TECPR1: variants seen among roughly 807,000 people sequenced by gnomAD.
The protein encoded by TECPR1 is tectonin beta-propeller repeat-containing protein 1.
Under a neutral mutation model 162.4 loss-of-function variants are expected in TECPR1, and 122 were observed. The ratio of observed to expected loss-of-function variants is 0.75; its 90% CI spans 0.65 to 0.87. The LOEUF is 0.87. TECPR1 is among the 40% of genes least tolerant of loss of function. TECPR1 has a pLI of 0.00. For missense variants in TECPR1, 1,432 were observed against 1,618.2 expected, an observed-to-expected ratio of 0.88 and a Z score of 1.97; for synonymous variants, 642 against 670.6, an observed-to-expected ratio of 0.96 and a Z score of 0.66.
chr7:98,238,689 A>C, intron 8 of TECPR1, 79 bp from the exon 9 acceptor site: 2 of 1,152,550 alleles, frequency 1.7e-6, no homozygotes, highest in Non-Finnish European at 2.5e-6. Flanking sequence ...CTCAGGGAGA[A>C]CAAGTGAATA....
At position 98,232,772 on chromosome 7, in the gene TECPR1, T is replaced by A. The variant is rs1798477475; in HGVS notation, c.1818+55A>T. ...GAGCTGGTACACAGCAGGCGCTCAATGAATGATTGCTGGAAAAAAAAAAAA... is the reference window on the plus strand; with the variant it reads ...GAGCTGGTACACAGCAGGCGCTCAAAGAATGATTGCTGGAAAAAAAAAAAA... On this transcript the variant is annotated intron_variant, in intron 12 of 25. Coordinates refer to ENST00000447648, the MANE Select transcript of TECPR1 (RefSeq NM_015395.3). This position sits in a 1 kb window ranked among gnomAD's most constrained non-coding sequence, Gnocchi z 4.6. The A allele has an allele frequency of 1.3e-6, 2 of 1,489,058 alleles. No individual in the cohort carries two copies. Among genetic ancestry groups the A allele is most frequent in the Non-Finnish European group, 1.8e-6 (2 of 1,120,672 alleles). The allele number at this position is 1,489,058 out of a possible 1,614,324, so 92.2% of individuals were successfully genotyped here. A position where few individuals can be genotyped will look rare whatever the true frequency, so the allele number is the denominator to read the frequency against.
chr7:98,235,974 G>A (rs1167969863), intron 10 of TECPR1, among the ~76,000 whole-genome samples: 2 of 152,136 alleles, frequency 1.3e-5, no homozygotes, highest in Non-Finnish European at 2.9e-5. Context: ...GGGCACAGAG[G>A]GGTGTGGACC....
Position 98,231,347 on chromosome 7 carries a change from C to T in TECPR1, c.2001G>A (p.Val667=). Residue 667 remains valine, a synonymous_variant, in exon 14 of 26, where the codon GTG becomes GTA. Coordinates refer to ENST00000447648, the MANE Select transcript of TECPR1 (RefSeq NM_015395.3). The part of the protein sequence containing the change: ...KKYIHIFLNE[V]VALVPVLNET... ...CGTTCAGCACTGGGACCAGCGCCAC[C>T]ACCTCATTCAGGAATATGTGGATGT... 1 of 1,607,682 alleles carries T rather than the reference C, an allele frequency of 6.2e-7. No homozygotes were observed. The highest frequency in any genetic ancestry group is 8.5e-7 in the Non-Finnish European group (1 of 1,177,142).
rs191628852 is a variant in TECPR1, at chr7:98,229,854, C to T, written c.2283-688G>A. Among the ~76,000 whole-genome samples the T allele has an allele frequency of 7.0e-4, 107 of 152,270 alleles. 1 individual carries two copies. The highest frequency in any genetic ancestry group is 2.5e-3 in the African/African-American group (104 of 41,562). On this transcript the variant is annotated intron_variant, in intron 15 of 25. Transcript: ENST00000447648. ...CCACGGGTAATGAAGCCCAGGACCTCGTCGGCTTGGGAACAACCCCAGGGC... is the reference window on the plus strand; with the variant it reads ...CCACGGGTAATGAAGCCCAGGACCTTGTCGGCTTGGGAACAACCCCAGGGC...
intron 16 of TECPR1, chr7:98,228,371 C>T: frequency 2.1e-6 from 1 of 469,992 alleles, no homozygotes; most frequent in Non-Finnish European, 3.9e-6. Context: ...AATCTCCCAT[C>T]CACACCCCTC....
intron 25 of TECPR1, 93 bp downstream of exon 25, chr7:98,217,599 C>A: frequency 6.5e-7 from 1 of 1,532,288 alleles, no homozygotes. Flanking sequence ...GACACCGGGT[C>A]CCAGGGGACA....
Position 98,215,885 on chromosome 7 carries a change from A to C in TECPR1, c.*1505T>G, listed in dbSNP as rs1797994738. 1 of 152,190 alleles carries C rather than the reference A, an allele frequency of 6.6e-6. No homozygotes were observed. The highest frequency in any genetic ancestry group is 6.5e-5 in the Admixed American group (1 of 15,280). 9.4% of individuals were successfully genotyped at this position (152,190 alleles called of 1,614,324 possible). A position where few individuals can be genotyped will look rare whatever the true frequency, so the allele number is the denominator to read the frequency against. On this transcript the variant is annotated 3_prime_UTR_variant, in exon 26 of 26. Coordinates refer to ENST00000447648, the MANE Select transcript of TECPR1 (RefSeq NM_015395.3). The stretch of plus-strand genomic sequence containing the variant: ...ACCAGGTCTCTCAGATGCCCGCGGG[A>C]GGGGCCCCAGGGAGGCCTTTCTCAG...
rs536112081 is a variant in TECPR1, at chr7:98,243,676, C to T, written c.532-84G>A. 53 of 1,500,316 alleles carry T rather than the reference C, an allele frequency of 3.5e-5. No individual in the cohort carries two copies. In the African/African-American group the frequency reaches 5.0e-4, roughly 14 times the overall value. 92.9% of individuals were successfully genotyped at this position (1,500,316 alleles called of 1,614,324 possible). A position where few individuals can be genotyped will look rare whatever the true frequency, so the allele number is the denominator to read the frequency against. ...ACCCACCTCCCGCCCGCCTGCCATCCGGACTTCCATTCTTCAGCCCAGCCT... is the reference window on the plus strand; with the variant it reads ...ACCCACCTCCCGCCCGCCTGCCATCTGGACTTCCATTCTTCAGCCCAGCCT... On this transcript the variant is annotated intron_variant, in intron 5 of 25. Coordinates refer to ENST00000447648, the MANE Select transcript of TECPR1 (RefSeq NM_015395.3).
At chr7:98,223,273 G>A in intron 20 of TECPR1, 103 bp from the exon 21 acceptor site, 1 of 1,273,260 alleles carries the variant, frequency 7.9e-7, no homozygotes. Flanking sequence ...CCAACCCCGG[G>A]GCGGGTAGAA....
rs751983683 is a variant in TECPR1 at position 98,229,009 on chromosome 7, G to C, written c.2410+30C>G. The C allele has an allele frequency of 1.9e-6, 3 of 1,591,106 alleles. No individual in the cohort carries two copies. The African/African-American group carries it at 4.0e-5, about 21-fold the overall frequency. ...GACTAGAGGAAAGAACGCCCAGGAA[G>C]GCTCCGGGGGGGCTGTGGGCCGCCC... On this transcript the variant is annotated intron_variant, in intron 16 of 25. Coordinates refer to ENST00000447648, the MANE Select transcript of TECPR1 (RefSeq NM_015395.3).
At chr7:98,227,901 C>CCTGA (rs1409968920) in intron 17 of TECPR1, 113 bp downstream of exon 17, 2 of 766,754 alleles carry the variant, frequency 2.6e-6, no homozygotes, top group East Asian at 5.5e-5. Flanking sequence ...CTGCTGGCGG[C>CCTGA]CTGACACCAG....
In TECPR1 at chr7:98,240,994, G is replaced by C. The variant is rs996101377; in HGVS notation, c.833-43C>G. On this transcript the variant is annotated intron_variant, in intron 7 of 25. Transcript: ENST00000447648. Reference sequence around the variant, plus strand: ...AACCCCCAGTGGCCCCCATCAGCCTGGACAGCTGGGGAGCGAGTGACCCTC... The same window carrying C: ...AACCCCCAGTGGCCCCCATCAGCCTCGACAGCTGGGGAGCGAGTGACCCTC... The C allele has an allele frequency of 2.5e-6, 4 of 1,586,508 alleles. No homozygotes were observed. In the African/African-American group the frequency reaches 4.0e-5, roughly 16 times the overall value.
At chr7:98,220,314 A>G (rs1226802943) in intron 23 of TECPR1, among the ~76,000 whole-genome samples, 1 of 152,214 alleles carries the variant, frequency 6.6e-6, no homozygotes, top group Non-Finnish European at 1.5e-5. Flanking sequence ...ACTGTACTCT[A>G]GCCTGGGCAA....
At position 98,244,571 on chromosome 7, in the gene TECPR1, C is replaced by A; in HGVS notation, c.531G>T (p.Lys177Asn). Residue 177 changes from lysine (K) to asparagine (N), a missense_variant and splice_region_variant, in exon 5 of 26, where the codon AAG becomes AAT. Coordinates refer to ENST00000447648, the MANE Select transcript of TECPR1 (RefSeq NM_015395.3). Reference sequence around the variant, plus strand: ...CCAACCCACATTCAGGAACAGAGACCTTGGCCCAGATGTCCCGGGACTTGT... The same window carrying A: ...CCAACCCACATTCAGGAACAGAGACATTGGCCCAGATGTCCCGGGACTTGT... Reference protein sequence around the residue: ...RRYKSRDIWAKIPSKDDPKEL... With the variant: ...RRYKSRDIWANIPSKDDPKEL... 1 of 1,605,724 alleles carries A rather than the reference C, an allele frequency of 6.2e-7. No individual in the cohort carries two copies. The highest frequency in any genetic ancestry group is 1.1e-5 in the South Asian group (1 of 90,440).
intron 23 of TECPR1, among the ~76,000 whole-genome samples, chr7:98,218,854 C>T (rs1346876096): frequency 1.3e-5 from 2 of 152,068 alleles, no homozygotes; most frequent in Non-Finnish European, 2.9e-5. Flanking sequence ...TATTAAAATA[C>T]TGTCATCATT....
chr7:98,234,608 C>G (rs1415315298), intron 10 of TECPR1, among the ~76,000 whole-genome samples: 2 of 151,824 alleles, frequency 1.3e-5, no homozygotes, highest in Admixed American at 1.3e-4. Context: ...TGAGGAATTG[C>G]TAAATTGTTC....
chr7:98,231,498 C>T, intron 13 of TECPR1, 125 bp from the exon 14 acceptor site: 1 of 988,922 alleles, frequency 1.0e-6, no homozygotes, highest in East Asian at 2.7e-5. Flanking sequence ...GCACCCCCAG[C>T]CCTGCCCCCT....
chr7:98,236,277 C>A (rs572223190), intron 10 of TECPR1, among the ~76,000 whole-genome samples: 2 of 152,162 alleles, frequency 1.3e-5, no homozygotes, highest in Non-Finnish European at 2.9e-5. Flanking sequence ...GGGTAAGACC[C>A]GGAGATCAAA....
intron 17 of TECPR1, chr7:98,226,423 T>C (rs1177071518): frequency 1.0e-6 from 1 of 985,102 alleles, no homozygotes; most frequent in East Asian, 1.1e-4. Context: ...TAAAGTCAGA[T>C]ACACTGGGTC....
Sources: gnomAD v4.1 joint callset for allele counts (sites outside exome capture counted in the v4.1 genomes callset) on GRCh38, gnomAD v4.1.1 for gene constraint, Gnocchi (gnomAD v3.1) non-coding constraint, MANE v1.5 for transcripts, NCBI Gene and HGNC (gene_info 2026-07-23, HGNC 2026-07-21) for gene names.